The following TLK1 variants were observed in gnomAD, a reference collection of about 807,000 sequenced individuals.
The protein encoded by TLK1 is tousled like kinase 1, also known as serine/threonine-protein kinase tousled-like 1.
Under a neutral mutation model 105.3 loss-of-function variants are expected in TLK1, and 24 were observed. That is an observed-to-expected ratio of 0.23 (90% CI 0.17 to 0.32). The LOEUF (loss-of-function observed/expected upper bound fraction) is 0.32. Among genes scored for constraint, TLK1 ranks in the 10% least tolerant of loss-of-function variants. TLK1 has a pLI of 1.00. For synonymous variants in TLK1, 321 were observed against 310.4 expected (o/e 1.03, Z -0.36); for missense variants, 558 against 910.5 (o/e 0.61, Z 4.98).
intron 13 of TLK1, among the ~76,000 whole-genome samples, chr2:171,013,706 T>C (rs543851071): frequency 4.6e-5 from 7 of 152,326 alleles, no homozygotes; most frequent in Non-Finnish European, 7.3e-5. Context: ...TATACATACA[T>C]AGACATCACA....
Position 171,014,882 on chromosome 2 carries a change from G to A in TLK1, c.1303C>T (p.Leu435=), listed in dbSNP as rs1685099396. 1 of 1,613,418 alleles carries A rather than the reference G, an allele frequency of 6.2e-7. No individual in the cohort carries two copies. The highest frequency in any genetic ancestry group is 8.5e-7 in the Non-Finnish European group (1 of 1,179,562). The change falls in exon 13 of 21, where the codon CTG becomes TTG. Residue 435 remains leucine (L), a synonymous_variant. Coordinates refer to ENST00000431350, the MANE Select transcript of TLK1 (RefSeq NM_012290.5). ...ERVRNLHIRE[L]KRINNEDNSQ... ...TTATCTTCATTGTTTATTCTTTTCAGCTCACGTATGTGAAGATTTCTGACT... is the reference window on the plus strand; with the variant it reads ...TTATCTTCATTGTTTATTCTTTTCAACTCACGTATGTGAAGATTTCTGACT...
intron 3 of TLK1, among the ~76,000 whole-genome samples, chr2:171,077,140 C>A (rs1230191387): frequency 6.6e-6 from 1 of 152,186 alleles, no homozygotes; most frequent in East Asian, 1.9e-4. Flanking sequence ...AATCCACAAC[C>A]CACTCACGCT....
intron 2 of TLK1, among the ~76,000 whole-genome samples, chr2:171,095,269 T>C (rs919677099): frequency 1.5e-4 from 22 of 150,206 alleles, no homozygotes; most frequent in Non-Finnish European, 2.8e-4. Flanking sequence ...GGAAAATATA[T>C]ATCACAGCAG....
intron 14 of TLK1, among the ~76,000 whole-genome samples, chr2:171,007,966 C>T (rs1559338330): frequency 6.6e-6 from 1 of 152,002 alleles, no homozygotes; most frequent in Admixed American, 6.6e-5. Context: ...CAATGAATAC[C>T]ATTAAAGAGA....
At chr2:171,000,438 T>C (rs1047275015) in intron 18 of TLK1, among the ~76,000 whole-genome samples, 13 of 151,558 alleles carry the variant, frequency 8.6e-5, no homozygotes, top group Non-Finnish European at 1.0e-4. Flanking sequence ...GGAAGTTGAC[T>C]TACTGATAAC....
At chr2:171,050,436 C>T (rs957784898) in intron 8 of TLK1, among the ~76,000 whole-genome samples, 1 of 152,024 alleles carries the variant, frequency 6.6e-6, no homozygotes, top group Admixed American at 6.6e-5. Flanking sequence ...TTAACTTTGG[C>T]TAAGTTATAA....
chr2:171,018,198 G>A (rs1370786383), intron 12 of TLK1, among the ~76,000 whole-genome samples: 3 of 152,182 alleles, frequency 2.0e-5, no homozygotes, highest in Admixed American at 6.5e-5. Flanking sequence ...CCTCCAAGGA[G>A]CACAGAGAAA....
chr2:171,132,723 C>CA (rs1691152758), intron 1 of TLK1, among the ~76,000 whole-genome samples: 1 of 151,964 alleles, frequency 6.6e-6, no homozygotes, highest in African/African-American at 2.4e-5. Flanking sequence ...AACAAAACAT[C>CA]AAAAAATTAG....
chr2:171,108,336 C>T (rs1439800348), intron 2 of TLK1, among the ~76,000 whole-genome samples: 1 of 151,898 alleles, frequency 6.6e-6, no homozygotes, highest in East Asian at 1.9e-4. Flanking sequence ...TATAATGACA[C>T]TCTATACTCA....
chr2:171,082,019 G>A (rs1229827611), intron 3 of TLK1, among the ~76,000 whole-genome samples: 1 of 141,532 alleles, frequency 7.1e-6, no homozygotes, highest in Non-Finnish European at 1.5e-5. Flanking sequence ...AAATAAGACT[G>A]ACGGGAAAAA....
chr2:171,040,817 T>A (rs1009121830), intron 11 of TLK1, among the ~76,000 whole-genome samples: 5 of 152,004 alleles, frequency 3.3e-5, no homozygotes, highest in Non-Finnish European at 5.9e-5. Flanking sequence ...GCTCAAGTGA[T>A]CCTCCCGTCT....
chr2:171,203,216 C>G (rs1331011282), intron 1 of TLK1, among the ~76,000 whole-genome samples: 1 of 151,950 alleles, frequency 6.6e-6, no homozygotes, highest in Non-Finnish European at 1.5e-5. Flanking sequence ...ATAAAATTTA[C>G]CATCTTGGCC....
In TLK1 at chr2:171,195,945, G is replaced by A. The variant is rs189555002; in HGVS notation, c.-6+35200C>T. ...GAGGCTGGGACTCACCTGGGAGGTG[G>A]GAGACTCACTTGAACCTGGAAGGTG... On this transcript the variant is annotated intron_variant, in intron 1 of 20. Transcript: ENST00000521943. 5.1e-3 allele frequency among the ~76,000 whole-genome samples: 772 copies of A among 151,210 alleles called. 7 individuals are homozygous for A. Among genetic ancestry groups the A allele is most frequent in the Non-Finnish European group, 6.1e-3 (414 of 67,824 alleles).
intron 1 of TLK1, among the ~76,000 whole-genome samples, chr2:171,131,605 C>T (rs1691109814): frequency 6.6e-6 from 1 of 152,150 alleles, no homozygotes; most frequent in African/African-American, 2.4e-5. Context: ...ATTTCTTCCC[C>T]AAGACAATTT....
intron 1 of TLK1, among the ~76,000 whole-genome samples, chr2:171,153,452 G>A (rs972034214): frequency 2.0e-5 from 3 of 152,234 alleles, no homozygotes; most frequent in African/African-American, 7.2e-5. Flanking sequence ...TATATAGAGA[G>A]ATGATGTATG....
At chr2:171,104,583 C>T (rs1689834980) in intron 2 of TLK1, among the ~76,000 whole-genome samples, 1 of 152,134 alleles carries the variant, frequency 6.6e-6, no homozygotes, top group African/African-American at 2.4e-5. Context: ...CCACAGAAGA[C>T]TCTGAATAGC....
At chr2:171,028,515 G>A (rs2105393785) in intron 11 of TLK1, 110 bp from the exon 12 acceptor site, 1 of 714,340 alleles carries the variant, frequency 1.4e-6, no homozygotes, top group East Asian at 2.9e-5. Context: ...ACAACTTTAA[G>A]CCCAAAATGT....
At chr2:171,168,663 T>C (rs60730419) in intron 1 of TLK1, among the ~76,000 whole-genome samples, 17,253 of 152,218 alleles carry the variant, frequency 0.11, 1,500 homozygotes, top group African/African-American at 0.24. Context: ...ACTTTAGCTA[T>C]AGATACAAGA....
chr2:171,183,037 T>C (rs6433282), intron 1 of TLK1, among the ~76,000 whole-genome samples: 70,055 of 151,864 alleles, frequency 0.46, 17,819 homozygotes, highest in African/African-American at 0.69. Flanking sequence ...GTTATTTGTA[T>C]AATTCTTGCA....
Sources: gnomAD v4.1 joint callset for allele counts (sites outside exome capture counted in the v4.1 genomes callset) on GRCh38, gnomAD v4.1.1 for gene constraint, MANE v1.5 for transcripts, NCBI Gene and HGNC (gene_info 2026-07-23, HGNC 2026-07-21) for gene names.